Variants in HNRNPH1 observed in about 807,000 individuals in gnomAD.
HNRNPH1 encodes heterogeneous nuclear ribonucleoprotein H.
In HNRNPH1, 4 loss-of-function variants were observed where a neutral mutation model predicts 58.6. The ratio of observed to expected loss-of-function variants is 0.07; its 90% CI spans 0.03 to 0.16. The LOEUF is 0.16. HNRNPH1 is among the 10% of genes least tolerant of loss of function. The pLI, the probability that HNRNPH1 is intolerant of heterozygous loss-of-function variation, is 1.00. For synonymous variants in HNRNPH1, 192 were observed against 189.2 expected, an observed-to-expected ratio of 1.01 and a Z score of -0.12; for missense variants, 271 against 564.2, an observed-to-expected ratio of 0.48 and a Z score of 5.26.
intron 2 of HNRNPH1, among the ~76,000 whole-genome samples, chr5:179,632,168 C>T (rs1404412996): frequency 6.6e-6 from 1 of 152,028 alleles, no homozygotes; most frequent in East Asian, 1.9e-4. Flanking sequence ...ATTATCCGGG[C>T]GTGGTGGCGG....
upstream of HNRNPH1, chr5:179,624,724 T>A (rs944543973): frequency 1.0e-5 from 4 of 397,154 alleles, no homozygotes; most frequent in Non-Finnish European, 1.8e-5. Context: ...CTGATTTGGC[T>A]GCCTTCCTCA....
chr5:179,620,833 A>C, intron 3 of HNRNPH1, 59 bp downstream of exon 4: 1 of 1,526,108 alleles, frequency 6.6e-7, no homozygotes, highest in Non-Finnish European at 9.0e-7. Context: ...ACGTCTATTA[A>C]ATCACCTTGC....
At chr5:179,626,312 C>A (rs1451864044), upstream of HNRNPH1, among the ~76,000 whole-genome samples, 3 of 151,872 alleles carry the variant, frequency 2.0e-5, no homozygotes, top group Admixed American at 6.6e-5. Flanking sequence ...GCCATGTTGG[C>A]CAGGCTGGTC....
At chr5:179,619,556 G>A in intron 3 of HNRNPH1, 149 bp from the exon 5 acceptor site, 1 of 593,542 alleles carries the variant, frequency 1.7e-6, no homozygotes, top group Non-Finnish European at 3.0e-6. Flanking sequence ...AATATGCATT[G>A]CAATAATATG....
intron 2 of HNRNPH1, among the ~76,000 whole-genome samples, chr5:179,633,111 C>T (rs1774985118): frequency 6.6e-6 from 1 of 152,044 alleles, no homozygotes; most frequent in African/African-American, 2.4e-5. Flanking sequence ...CCTGCCTCAG[C>T]CTCCCAAAGT....
chr5:179,619,443 C>A, intron 3 of HNRNPH1, 36 bp from the exon 5 acceptor site: 1 of 1,569,538 alleles, frequency 6.4e-7, no homozygotes, highest in Non-Finnish European at 8.7e-7. Context: ...AGTAGGGGGG[C>A]AATATTAACA....
Position 179,617,981 on chromosome 5 carries a change from T to TA in HNRNPH1, c.787+7dup. The TA allele has an allele frequency of 6.2e-7, 1 of 1,614,100 alleles. No individual in the cohort carries two copies. Among genetic ancestry groups the TA allele is most frequent in the Non-Finnish European group, 8.5e-7 (1 of 1,179,936 alleles). On this transcript the variant is annotated splice_region_variant and intron_variant, in intron 6 of 12. Transcript: ENST00000356731. ...TCCTTCAACTGAGAAATTCAATTCT[T>TA]ACCTTACCTCTTCCAAATCTATCTG...
At chr5:179,631,200 C>T (rs554101542) in intron 2 of HNRNPH1, among the ~76,000 whole-genome samples, 4 of 151,262 alleles carry the variant, frequency 2.6e-5, no homozygotes, top group Non-Finnish European at 5.9e-5. Flanking sequence ...GGCCACAGGA[C>T]ATGAAAAGAT....
chr5:179,626,918 C>T (rs1377633438), upstream of HNRNPH1, among the ~76,000 whole-genome samples: 2 of 151,478 alleles, frequency 1.3e-5, no homozygotes, highest in African/African-American at 4.8e-5. Flanking sequence ...GTAGCTGGGA[C>T]GACAGGCGCC....
rs181355904 is a variant in HNRNPH1 at position 179,619,233 on chromosome 5, G to A, written c.536+36C>T. 4.5e-6 allele frequency: 7 copies of A among 1,547,022 alleles called. No individual in the cohort carries two copies. In the Admixed American group the frequency reaches 5.4e-5, roughly 12 times the overall value. On this transcript the variant is annotated intron_variant, in intron 4 of 12. Transcript: ENST00000356731. The stretch of plus-strand genomic sequence containing the variant: ...ATATGGATTTAATTGTTTACCATAA[G>A]AAAAGTGACATATCCAACCAACCAT...
chr5:179,621,183 G>T (rs1182757850), intron 2 of HNRNPH1, 59 bp downstream of exon 3: 26 of 1,544,456 alleles, frequency 1.7e-5, no homozygotes, highest in Non-Finnish European at 2.2e-5. Context: ...ATTCAGAAGG[G>T]GTGAGACCTC....
chr5:179,628,437 T>TC (rs1486387742), upstream of HNRNPH1, among the ~76,000 whole-genome samples: 1 of 152,116 alleles, frequency 6.6e-6, no homozygotes. Flanking sequence ...TACTGCAACC[T>TC]CCACCTCCCA....
Position 179,616,831 on chromosome 5 carries a change from T to TA in HNRNPH1, c.1207+37dup, listed in dbSNP as rs530540977. On this transcript the variant is annotated intron_variant, in intron 10 of 12. Coordinates refer to ENST00000356731, the Ensembl canonical transcript of HNRNPH1. ...AACTTATAATTGACTTATACAGATA[T>TA]AAACGTTTTGGTTTTTAAAAAAACT... 62 of 1,510,822 alleles carry TA rather than the reference T, an allele frequency of 4.1e-5. No individual in the cohort carries two copies. The East Asian group carries it at 9.9e-4, about 24-fold the overall frequency. 93.6% of individuals were successfully genotyped at this position (1,510,822 alleles called of 1,614,324 possible). A position where few individuals can be genotyped will look rare whatever the true frequency, so the allele number is the denominator to read the frequency against.
chr5:179,615,075 G>C (rs569098696), intron 12 of HNRNPH1, 116 bp from the exon 14 acceptor site: 250 of 683,606 alleles, frequency 3.7e-4, no homozygotes, highest in Non-Finnish European at 4.8e-4. Flanking sequence ...TGCTGTCCAA[G>C]TGGCGAGACG....
At chr5:179,623,366 G>T (rs1034015549) in exon 1 of HNRNPH1, 3 of 352,702 alleles carry the variant, frequency 8.5e-6, no homozygotes, top group South Asian at 5.6e-5. Flanking sequence ...GAACCGTGGG[G>T]GCCCGGGCCG....
intron 10 of HNRNPH1, 184 bp from the exon 12 acceptor site, chr5:179,616,402 A>ATT: frequency 1.7e-6 from 1 of 603,618 alleles, no homozygotes; most frequent in Non-Finnish European, 3.0e-6. Flanking sequence ...AGCCAGTCAA[A>ATT]TATTGATAAA....
At chr5:179,619,548 T>C (rs1291322958) in intron 3 of HNRNPH1, 141 bp from the exon 5 acceptor site, 1 of 634,492 alleles carries the variant, frequency 1.6e-6, no homozygotes, top group Non-Finnish European at 2.7e-6. Flanking sequence ...ACTCTTTAAA[T>C]ATGCATTGCA....
chr5:179,614,770 G>A (rs1256905216), exon 13 of HNRNPH1: 22 of 726,658 alleles, frequency 3.0e-5, no homozygotes, highest in Non-Finnish European at 4.7e-5. Context: ...CTGTTAAACT[G>A]AAGTTTTCTT....
At chr5:179,631,294 C>T (rs1428899746) in intron 2 of HNRNPH1, among the ~76,000 whole-genome samples, 2 of 151,578 alleles carry the variant, frequency 1.3e-5, no homozygotes, top group Admixed American at 1.3e-4. Flanking sequence ...TTTAAGATGG[C>T]GATCATGAAA....
Sources: allele counts gnomAD v4.1 joint callset (sites outside exome capture counted in the v4.1 genomes callset), GRCh38; gene constraint gnomAD v4.1.1; transcripts MANE v1.5; gene names NCBI Gene and HGNC (gene_info 2026-07-23, HGNC 2026-07-21).